Variants in PIK3C2G observed in about 807,000 individuals in gnomAD.
PIK3C2G encodes phosphatidylinositol 3-kinase C2 domain-containing subunit gamma.
PIK3C2G carries 168 observed loss-of-function variants against 181.1 expected under a neutral mutation model. That is an observed-to-expected ratio of 0.93 (90% CI 0.82 to 1.05). The LOEUF (loss-of-function observed/expected upper bound fraction) is 1.05. Among genes scored for constraint, PIK3C2G ranks in the 50% least tolerant of loss-of-function variants. PIK3C2G has a pLI of 0.00. For synonymous variants in PIK3C2G, 573 were observed against 592.2 expected, an observed-to-expected ratio of 0.97 and a Z score of 0.47; for missense variants, 1,869 against 1,732.8, an observed-to-expected ratio of 1.08 and a Z score of -1.40.
intron 2 of PIK3C2G, among the ~76,000 whole-genome samples, chr12:18,283,064 T>C (rs1450018498): frequency 6.6e-6 from 1 of 152,178 alleles, no homozygotes; most frequent in Non-Finnish European, 1.5e-5. Context: ...GAGTTGAAGG[T>C]TTAACTGATA....
intron 29 of PIK3C2G, among the ~76,000 whole-genome samples, chr12:18,584,001 C>A (rs911509603): frequency 4.6e-5 from 7 of 151,654 alleles, no homozygotes; most frequent in African/African-American, 1.5e-4. Flanking sequence ...ATAAAATAGA[C>A]AGTTTTTTAA....
At chr12:18,592,025 G>A (rs1185102119) in intron 29 of PIK3C2G, among the ~76,000 whole-genome samples, 1 of 151,870 alleles carries the variant, frequency 6.6e-6, no homozygotes, top group Non-Finnish European at 1.5e-5. Flanking sequence ...ATGGACATAG[G>A]AGAAGCAGCA....
chr12:18,362,976 A>C, intron 12 of PIK3C2G, 90 bp downstream of exon 12: 4 of 965,132 alleles, frequency 4.1e-6, no homozygotes, highest in Non-Finnish European at 5.9e-6. Flanking sequence ...TGTAATTTAA[A>C]AAAAATATGC....
intron 24 of PIK3C2G, among the ~76,000 whole-genome samples, chr12:18,528,869 C>G (rs1273493644): frequency 6.6e-6 from 1 of 152,120 alleles, no homozygotes; most frequent in African/African-American, 2.4e-5. Flanking sequence ...AGGAAATGGT[C>G]AAAAATACCC....
chr12:18,654,147 T>C, the PIK3C2G span, among the ~76,000 whole-genome samples: 3 of 151,856 alleles, frequency 2.0e-5, no homozygotes, highest in African/African-American at 7.3e-5. Context: ...TGGGCAGATA[T>C]GAAGGGGAAA....
chr12:18,467,091 T>C (rs1301410153), intron 18 of PIK3C2G, among the ~76,000 whole-genome samples: 1 of 152,052 alleles, frequency 6.6e-6, no homozygotes, highest in African/African-American at 2.4e-5. Flanking sequence ...ACTATTGTCA[T>C]TCATAGTGTA....
intron 18 of PIK3C2G, among the ~76,000 whole-genome samples, chr12:18,472,383 A>T (rs939615686): frequency 2.0e-5 from 3 of 152,170 alleles, no homozygotes; most frequent in African/African-American, 2.4e-5. Flanking sequence ...GCTACCTAAA[A>T]GTCCTGTCCC....
At chr12:18,711,099 G>A in the PIK3C2G span, among the ~76,000 whole-genome samples, 3 of 151,886 alleles carry the variant, frequency 2.0e-5, no homozygotes, top group Admixed American at 6.6e-5. Context: ...GTTTATTGCG[G>A]CACTATTCAC....
chr12:18,502,655 G>C (rs974224089), intron 22 of PIK3C2G, among the ~76,000 whole-genome samples: 1 of 152,212 alleles, frequency 6.6e-6, no homozygotes, highest in Admixed American at 6.5e-5. Flanking sequence ...TGGATATATG[G>C]CCAGCGGAGC....
chr12:18,527,787 C>T (rs1943323181), intron 24 of PIK3C2G, among the ~76,000 whole-genome samples: 1 of 151,990 alleles, frequency 6.6e-6, no homozygotes, highest in Non-Finnish European at 1.5e-5. Flanking sequence ...GGAAAGGAGA[C>T]TTGATAATTT....
At chr12:18,587,086 C>G (rs1279214556) in intron 29 of PIK3C2G, among the ~76,000 whole-genome samples, 1 of 152,042 alleles carries the variant, frequency 6.6e-6, no homozygotes, top group African/African-American at 2.4e-5. Context: ...TATAACAAAC[C>G]CACAGCCAAC....
In PIK3C2G at chr12:18,356,271, C is replaced by T. The variant is rs141943483; in HGVS notation, c.1626-6493C>T. Among the ~76,000 whole-genome samples the T allele has an allele frequency of 7.7e-4, 118 of 152,276 alleles. 1 individual carries two copies. Among genetic ancestry groups the T allele is most frequent in the Middle Eastern group, 3.4e-3 (1 of 294 alleles). On this transcript the variant is annotated intron_variant, in intron 11 of 32. Transcript: ENST00000538779. ...ATCCTAGGCAAGCCCCCCGATGAAA[C>T]GGGATGGTTCCCTTGACCCCTTCAC...
At chr12:18,662,535 C>A in the PIK3C2G span, among the ~76,000 whole-genome samples, 1 of 152,054 alleles carries the variant, frequency 6.6e-6, no homozygotes, top group Non-Finnish European at 1.5e-5. Flanking sequence ...TAAAGATCCA[C>A]AGTAAAGGTA....
Position 18,498,567 on chromosome 12 carries a change from AT to A in PIK3C2G, c.3016+832del, listed in dbSNP as rs11390476. 6.9e-3 allele frequency among the ~76,000 whole-genome samples: 1,012 copies of A among 147,672 alleles called. 5 individuals are homozygous for A. The highest frequency in any genetic ancestry group is 9.0e-3 in the Non-Finnish European group (604 of 66,808). The stretch of plus-strand genomic sequence containing the variant: ...GAGAGGGGATCTAGACCATGTAGTC[AT>A]TTTTTTTTTTTTAATTCAAGCAGAG... On this transcript the variant is annotated intron_variant, in intron 22 of 32. Transcript: ENST00000538779.
intron 18 of PIK3C2G, among the ~76,000 whole-genome samples, chr12:18,440,168 G>C (rs1301339470): frequency 1.3e-5 from 2 of 152,020 alleles, no homozygotes; most frequent in Non-Finnish European, 2.9e-5. Flanking sequence ...CCACGGTGTT[G>C]GATAGCCGTG....
chr12:18,341,288 G>A (rs1328331964), intron 9 of PIK3C2G, among the ~76,000 whole-genome samples: 1 of 152,042 alleles, frequency 6.6e-6, no homozygotes, highest in African/African-American at 2.4e-5. Context: ...AAGGAATTGG[G>A]TATTTCATAG....
intron 11 of PIK3C2G, among the ~76,000 whole-genome samples, chr12:18,347,580 C>T (rs188715489): frequency 2.6e-4 from 39 of 152,184 alleles, no homozygotes; most frequent in Admixed American, 1.8e-3. Context: ...GAGGCCTAGG[C>T]GGGCAAATCA....
chr12:18,724,405 TA>T, the PIK3C2G span, among the ~76,000 whole-genome samples: 1 of 151,992 alleles, frequency 6.6e-6, no homozygotes, highest in African/African-American at 2.4e-5. Flanking sequence ...CACTAACAAA[TA>T]AAAAAACTGG....
At chr12:18,486,336 C>G (rs988834848) in intron 18 of PIK3C2G, among the ~76,000 whole-genome samples, 1 of 152,078 alleles carries the variant, frequency 6.6e-6, no homozygotes, top group African/African-American at 2.4e-5. Flanking sequence ...CATGTTATCT[C>G]TGTGACTCTC....
Sources: allele counts gnomAD v4.1 joint callset (sites outside exome capture counted in the v4.1 genomes callset), GRCh38; gene constraint gnomAD v4.1.1; transcripts MANE v1.5; gene names NCBI Gene and HGNC (gene_info 2026-07-23, HGNC 2026-07-21).